MYH10: variants seen among roughly 807,000 people sequenced by gnomAD.
The protein encoded by MYH10 is myosin heavy chain 10, also known as myosin-10.
In MYH10, 55 loss-of-function variants were observed where a neutral mutation model predicts 257.8. The ratio of observed to expected loss-of-function variants is 0.21; its 90% CI spans 0.17 to 0.27. The LOEUF (loss-of-function observed/expected upper bound fraction) is 0.27, where lower values mean the gene tolerates loss of function less well. MYH10 is among the 10% of genes least tolerant of loss of function. The pLI is 1.00. For synonymous variants in MYH10, 854 were observed against 921.7 expected (o/e 0.93, Z 1.33); for missense variants, 1,631 against 2,500.6 (o/e 0.65, Z 7.42).
At chr17:8,608,946 G>A (rs2084918932) in intron 2 of MYH10, among the ~76,000 whole-genome samples, 1 of 152,202 alleles carries the variant, frequency 6.6e-6, no homozygotes, top group Non-Finnish European at 1.5e-5. Context: ...GCGTAGCTGG[G>A]ACTACAGGCG....
chr17:8,593,742 T>C (rs1466385675), intron 3 of MYH10, among the ~76,000 whole-genome samples: 1 of 152,150 alleles, frequency 6.6e-6, no homozygotes, highest in African/African-American at 2.4e-5. Flanking sequence ...CTCAATATTG[T>C]TGTTAATTCG....
intron 2 of MYH10, among the ~76,000 whole-genome samples, chr17:8,621,454 C>T (rs1432783643): frequency 6.6e-6 from 1 of 152,058 alleles, no homozygotes; most frequent in African/African-American, 2.4e-5. Flanking sequence ...GATCCAAAGC[C>T]CCCCACACTC....
rs943530682 is a variant in MYH10 at position 8,490,738 on chromosome 17, G to T, written c.4672-186C>A. Among the ~76,000 whole-genome samples the T allele has an allele frequency of 1.3e-5, 2 of 152,186 alleles. No homozygotes were observed. Among genetic ancestry groups the T allele is most frequent in the Non-Finnish European group, 2.9e-5 (2 of 68,032 alleles). On this transcript the variant is annotated intron_variant, in intron 34 of 42. Coordinates refer to ENST00000360416, the MANE Select transcript of MYH10 (RefSeq NM_001256012.3). This position sits in a 1 kb window ranked among gnomAD's most constrained non-coding sequence, Gnocchi z 4.1. ...AAAGCTGCTGCTATTCTCCATTTCA[G>T]TGTATGCAGTTCAGAACTACAGTGC...
chr17:8,479,004 T>C (rs1408362866), intron 40 of MYH10, among the ~76,000 whole-genome samples: 1 of 152,208 alleles, frequency 6.6e-6, no homozygotes, highest in Non-Finnish European at 1.5e-5. Flanking sequence ...AGTGCTGGGA[T>C]TACAGCCGTG....
At position 8,475,185 on chromosome 17, in the gene MYH10, C is replaced by T. The variant is rs1450432738; in HGVS notation, c.*619G>A. ...GACACCATCGACTCGAGGGGCAGGG[C>T]CCCCCTTGGGGGATGGACATGGTAA... is the stretch of plus-strand genomic sequence containing the variant. On this transcript the variant is annotated 3_prime_UTR_variant, in exon 43 of 43. Coordinates refer to ENST00000360416, the MANE Select transcript of MYH10 (RefSeq NM_001256012.3). 1 of 152,898 alleles carries T rather than the reference C, an allele frequency of 6.5e-6. No homozygotes were observed. Among genetic ancestry groups the T allele is most frequent in the Non-Finnish European group, 1.5e-5 (1 of 68,576 alleles). 9.5% of individuals were successfully genotyped at this position (152,898 alleles called of 1,614,324 possible). A position where few individuals can be genotyped will look rare whatever the true frequency, so the allele number is the denominator to read the frequency against.
chr17:8,480,026 GC>G, intron 40 of MYH10, 83 bp downstream of exon 40: 3 of 1,341,324 alleles, frequency 2.2e-6, no homozygotes, highest in South Asian at 1.3e-5. Context: ...GTGGTGGGGA[GC>G]CCCCCCGAAA....
chr17:8,608,519 G>A (rs574472381), intron 2 of MYH10, among the ~76,000 whole-genome samples: 43 of 152,326 alleles, frequency 2.8e-4, no homozygotes, highest in African/African-American at 9.4e-4. Context: ...TCCCTTTAAT[G>A]TACTGACACT....
intron 4 of MYH10, among the ~76,000 whole-genome samples, chr17:8,578,243 C>CTTTTTTTTTTT (rs5819199): frequency 7.7e-6 from 1 of 129,220 alleles, no homozygotes; most frequent in Non-Finnish European, 1.6e-5. Flanking sequence ...TTCTTTCTTT[C>CTTTTTTTTTTT]TTTTTTTTTT....
At chr17:8,625,482 A>G (rs1205485575) in intron 1 of MYH10, among the ~76,000 whole-genome samples, 1 of 144,652 alleles carries the variant, frequency 6.9e-6, no homozygotes, top group South Asian at 2.2e-4. Flanking sequence ...CCTGAGAACT[A>G]TTTTTTTTTT....
chr17:8,555,471 A>G (rs997770725), intron 7 of MYH10, among the ~76,000 whole-genome samples: 2 of 152,214 alleles, frequency 1.3e-5, no homozygotes, highest in African/African-American at 4.8e-5. Flanking sequence ...ACAGTCCAGG[A>G]ATTGATCATG....
intron 2 of MYH10, among the ~76,000 whole-genome samples, chr17:8,614,777 C>A (rs771357529): frequency 6.6e-6 from 1 of 152,048 alleles, no homozygotes; most frequent in Non-Finnish European, 1.5e-5. Flanking sequence ...TATAGAGGAC[C>A]AACAAAGTCA....
rs1332447033 is a variant in MYH10, at chr17:8,500,926, T to A, written c.3644A>T (p.Glu1215Val). 2.5e-6 allele frequency: 4 copies of A among 1,614,178 alleles called. No homozygotes were observed. In the South Asian group the frequency reaches 4.4e-5, roughly 18 times the overall value. ...QEVAELKKAL[E>V]EETKNHEAQI... is the part of the protein sequence containing the mutation. The stretch of plus-strand genomic sequence containing the variant: ...AGCTTCATGGTTCTTAGTTTCCTCC[T>A]CAAGAGCTTTCTTCAGCTCTGCCAC... Residue 1215 changes from glutamate (E) to valine (V), a missense_variant, in exon 29 of 43, where the codon GAG (glutamate) becomes GTG (valine). Transcript: ENST00000360416.
In MYH10 at chr17:8,552,074, C is replaced by A; in HGVS notation, c.891G>T (p.Leu297Phe). Residue 297 changes from leucine (L) to phenylalanine (F), a missense_variant, in exon 9 of 43, where the codon TTG (leucine) becomes TTT (phenylalanine). Physicochemically the swap from Leu to Phe is conservative, Grantham distance 22. This residue lies in a region of MYH10 where 360 missense variants were observed against 581.9 expected (regional missense o/e 0.62). Coordinates refer to ENST00000360416, the MANE Select transcript of MYH10 (RefSeq NM_001256012.3). This position sits in a 1 kb window ranked among gnomAD's most constrained non-coding sequence, Gnocchi z 4.8. ...DERTFHIFYQ[L>F]LSGAGEHLKS... ...TTAGGTGTTCTCCTGCTCCAGATAA[C>A]AACTGGTAAAAGATATGAAAAGTAC... 6.4e-7 allele frequency: 1 copy of A among 1,556,610 alleles called. No individual in the cohort carries two copies. Among genetic ancestry groups the A allele is most frequent in the Non-Finnish European group, 8.7e-7 (1 of 1,146,522 alleles).
chr17:8,489,743 A>ACACCCC (rs1555570907), intron 35 of MYH10, among the ~76,000 whole-genome samples: 2 of 150,162 alleles, frequency 1.3e-5, no homozygotes, highest in Non-Finnish European at 3.0e-5. Context: ...ACACACACAC[A>ACACCCC]CACCCCAAAT....
In MYH10 at chr17:8,579,001, T is replaced by C. The variant is rs796862587; in HGVS notation, c.531-1663A>G. Among the ~76,000 whole-genome samples the C allele has an allele frequency of 1.2e-4, 18 of 152,308 alleles. 1 individual carries two copies. Among genetic ancestry groups the C allele is most frequent in the African/African-American group, 4.3e-4 (18 of 41,586 alleles). On this transcript the variant is annotated intron_variant, in intron 4 of 42. Transcript: ENST00000360416. Reference sequence around the variant, plus strand: ...GGAATTGTACTTAGAATTGCACTATTTGGGCCGGCCACAGGGGCTCATCCT... The same window carrying C: ...GGAATTGTACTTAGAATTGCACTATCTGGGCCGGCCACAGGGGCTCATCCT...
rs1045118821 is a variant in MYH10 at position 8,612,068 on chromosome 17, G to A, written c.346-7086C>T. On this transcript the variant is annotated intron_variant, in intron 2 of 42. Coordinates refer to ENST00000360416, the MANE Select transcript of MYH10 (RefSeq NM_001256012.3). ...TGTGCACTATTCTGAGTAGTGTGAT[G>A]AAATCTGGCACAATTCCGCTCCATC... Among the ~76,000 whole-genome samples the A allele has an allele frequency of 3.9e-5, 6 of 152,340 alleles. No homozygotes were observed. In the South Asian group the frequency reaches 1.2e-3, roughly 32 times the overall value.
intron 9 of MYH10, 29 bp from the exon 10 acceptor site, chr17:8,548,816 T>C: frequency 6.3e-7 from 1 of 1,577,054 alleles, no homozygotes; most frequent in East Asian, 2.2e-5. Context: ...GAAGAAAATT[T>C]GATAAATACT....
intron 17 of MYH10, among the ~76,000 whole-genome samples, chr17:8,522,516 T>C (rs2151906296): frequency 6.6e-6 from 1 of 152,326 alleles, no homozygotes; most frequent in East Asian, 1.9e-4. Flanking sequence ...CCTCTTTTGC[T>C]TGTGCATTGG....
Position 8,630,703 on chromosome 17 carries a change from G to A in MYH10, c.-81C>T, listed in dbSNP as rs970112560. The A allele has an allele frequency of 1.4e-4, 22 of 152,842 alleles. No homozygotes were observed. The highest frequency in any genetic ancestry group is 5.3e-4 in the African/African-American group (22 of 41,274). The allele number at this position is 152,842 out of a possible 1,614,324, so 9.5% of individuals were successfully genotyped here. A position where few individuals can be genotyped will look rare whatever the true frequency, so the allele number is the denominator to read the frequency against. ...GCGCACGTCCCCAGCCGCGACCACA[G>A]ATCCAGCGCCTCAGTCCCAAACCCA... On this transcript the variant is annotated 5_prime_UTR_variant, in exon 1 of 43. Transcript: ENST00000360416.
Sources: gnomAD v4.1 joint callset for allele counts (sites outside exome capture counted in the v4.1 genomes callset) on GRCh38, gnomAD v4.1.1 for gene constraint, gnomAD v4.1.1 regional missense constraint, Gnocchi (gnomAD v3.1) non-coding constraint, MANE v1.5 for transcripts, NCBI Gene and HGNC (gene_info 2026-07-23, HGNC 2026-07-21) for gene names.